LLGL1: variants seen among roughly 807,000 people sequenced by gnomAD.
LLGL1 encodes the protein LLGL scribble cell polarity complex component 1, also known as lethal(2) giant larvae protein homolog 1.
Under a neutral mutation model 110.6 loss-of-function variants are expected in LLGL1, and 58 were observed. The ratio of observed to expected loss-of-function variants is 0.52; its 90% CI spans 0.42 to 0.65. LLGL1 has a LOEUF of 0.65. Ranked by LOEUF, LLGL1 falls within the 30% of genes least tolerant of loss-of-function variation. LLGL1 has a pLI of 0.00. For synonymous variants in LLGL1, 674 were observed against 607.2 expected (o/e 1.11, Z -1.62); for missense variants, 1,229 against 1,462.1 (o/e 0.84, Z 2.60).
At position 18,234,862 on chromosome 17, in the gene LLGL1, G is replaced by C; in HGVS notation, c.929G>C (p.Gly310Ala). ...ESGGHFIIFSGGMPRASYGDR... is the reference protein window; with the variant it reads ...ESGGHFIIFSAGMPRASYGDR... ...AGGGGCCACTTTATCATCTTCAGCG[G>C]TGGCATGCCCCGTGCCAGCTATGGT... The change falls in exon 9 of 23, where the codon GGT (glycine) becomes GCT (alanine). Residue 310 changes from glycine (G) to alanine (A), a missense_variant. Transcript: ENST00000316843. 1 of 1,614,084 alleles carries C rather than the reference G, an allele frequency of 6.2e-7. No homozygotes were observed. Among genetic ancestry groups the C allele is most frequent in the Non-Finnish European group, 8.5e-7 (1 of 1,180,010 alleles).
intron 16 of LLGL1, among the ~76,000 whole-genome samples, chr17:18,239,615 C>G (rs2047778478): frequency 6.6e-6 from 1 of 152,114 alleles, no homozygotes; most frequent in Non-Finnish European, 1.5e-5. Context: ...CCTGTAGAAC[C>G]AATGTGAATT....
At chr17:18,232,909 C>T (rs1177511630) in intron 4 of LLGL1, 107 bp downstream of exon 4, 8 of 1,446,818 alleles carry the variant, frequency 5.5e-6, no homozygotes, top group African/African-American at 4.2e-5. Context: ...CGGTTCAGGG[C>T]GGGATGCCTT....
intron 22 of LLGL1, 109 bp from the exon 23 acceptor site, chr17:18,243,799 C>T (rs1314441944): frequency 6.6e-6 from 1 of 152,342 alleles, no homozygotes; most frequent in East Asian, 1.9e-4. Context: ...CATGCCTGCC[C>T]TGCAGAGGAG....
In LLGL1 at chr17:18,241,404, G is replaced by T. The variant is rs553012288; in HGVS notation, c.2503-47G>T. 56 of 1,576,034 alleles carry T rather than the reference G, an allele frequency of 3.6e-5. No individual in the cohort carries two copies. In the East Asian group the frequency reaches 1.2e-3, roughly 33 times the overall value. ...AGCCACGAGGGTGAGGGGCCCTGGG[G>T]ACGAGGACAGGGCCAGGCTTTGTGC... On this transcript the variant is annotated intron_variant, in intron 17 of 22. Transcript: ENST00000316843.
chr17:18,242,417 C>T (rs2047860943), intron 20 of LLGL1, 91 bp from the exon 21 acceptor site: 1 of 1,581,864 alleles, frequency 6.3e-7, no homozygotes, highest in Non-Finnish European at 8.6e-7. Flanking sequence ...CACCCCTCAC[C>T]ATGGGCTGCC....
At chr17:18,233,279 C>T (rs529798518) in intron 4 of LLGL1, among the ~76,000 whole-genome samples, 14 of 152,266 alleles carry the variant, frequency 9.2e-5, no homozygotes, top group Non-Finnish European at 1.6e-4. Context: ...TGGCAGCATG[C>T]CCCAGCTGAG....
intron 10 of LLGL1, 35 bp from the exon 11 acceptor site, chr17:18,235,434 TA>T: frequency 6.2e-7 from 1 of 1,612,996 alleles, no homozygotes; most frequent in Non-Finnish European, 8.5e-7. Flanking sequence ...ATGTTCGTCC[TA>T]ACCTTGTGCA....
chr17:18,228,188 G>A (rs892831635), intron 1 of LLGL1, among the ~76,000 whole-genome samples: 1 of 152,272 alleles, frequency 6.6e-6, no homozygotes, highest in African/African-American at 2.4e-5. Flanking sequence ...TAGTTGGGAT[G>A]GTAGCCAGTG....
At chr17:18,231,885 C>T (rs2047578828) in intron 2 of LLGL1, among the ~76,000 whole-genome samples, 1 of 152,186 alleles carries the variant, frequency 6.6e-6, no homozygotes, top group Non-Finnish European at 1.5e-5. Context: ...GTCCTCAACT[C>T]CTGACCTTGT....
At chr17:18,229,168 G>C (rs565878848) in intron 1 of LLGL1, among the ~76,000 whole-genome samples, 12 of 152,296 alleles carry the variant, frequency 7.9e-5, no homozygotes, top group Non-Finnish European at 1.3e-4. Flanking sequence ...GGCACAGCCA[G>C]GCCAAAGACA....
rs2142700923 is a variant in LLGL1 at position 18,240,461 on chromosome 17, C to T, written c.2207-117C>T. 3 of 1,250,454 alleles carry T rather than the reference C, an allele frequency of 2.4e-6. No homozygotes were observed. Among genetic ancestry groups the T allele is most frequent in the East Asian group, 2.4e-5 (1 of 42,300 alleles). The allele number at this position is 1,250,454 out of a possible 1,614,324, so 77.5% of individuals were successfully genotyped here. A position where few individuals can be genotyped will look rare whatever the true frequency, so the allele number is the denominator to read the frequency against. ...GAATCAGCCCTGAGTCCCAGGGTGTCATAGTTAGGAAGCAGGGCTACAAGA... is the reference window on the plus strand; with the variant it reads ...GAATCAGCCCTGAGTCCCAGGGTGTTATAGTTAGGAAGCAGGGCTACAAGA... On this transcript the variant is annotated intron_variant, in intron 16 of 22. Transcript: ENST00000316843. The surrounding 1 kb of genome is among the most constrained non-coding windows in gnomAD (Gnocchi z 5.3).
rs978312386 is a variant in LLGL1 at position 18,242,511 on chromosome 17, C to A, written c.2999C>A (p.Thr1000Asn). 6.2e-7 allele frequency: 1 copy of A among 1,613,902 alleles called. No individual in the cohort carries two copies. The highest frequency in any genetic ancestry group is 1.3e-5 in the African/African-American group (1 of 74,916). ...GCTGATGACTTGCTCCCTGTAGACACCCCGGAGCCACCCGAGGCTGCACTC... is the reference window on the plus strand; with the variant it reads ...GCTGATGACTTGCTCCCTGTAGACAACCCGGAGCCACCCGAGGCTGCACTC... ...PDPAHSMGPD[T>N]PEPPEAALSP... is the part of the protein sequence containing the mutation. Residue 1000 changes from threonine to asparagine, a missense_variant, in exon 21 of 23, where the codon ACC becomes AAC. Transcript: ENST00000316843.
chr17:18,230,965 G>A (rs919127387), intron 2 of LLGL1, among the ~76,000 whole-genome samples: 2 of 152,168 alleles, frequency 1.3e-5, no homozygotes, highest in African/African-American at 4.8e-5. Context: ...GTTGGTGAGT[G>A]TGGCAGTGCT....
intron 1 of LLGL1, among the ~76,000 whole-genome samples, chr17:18,226,209 G>C (rs2047438274): frequency 1.3e-5 from 2 of 151,928 alleles, no homozygotes; most frequent in African/African-American, 4.8e-5. Flanking sequence ...CATTTCTCTT[G>C]CTGCCTGTGC....
chr17:18,235,043 C>T, intron 9 of LLGL1, 46 bp from the exon 10 acceptor site: 1 of 1,613,822 alleles, frequency 6.2e-7, no homozygotes, highest in Non-Finnish European at 8.5e-7. Flanking sequence ...CTGGTGCCCT[C>T]TGCCACCTAT....
intron 1 of LLGL1, among the ~76,000 whole-genome samples, chr17:18,226,309 CTT>C (rs1280662400): frequency 6.6e-6 from 1 of 152,148 alleles, no homozygotes; most frequent in Non-Finnish European, 1.5e-5. Flanking sequence ...ACTTCTGTCT[CTT>C]TATCCTTTTT....
At chr17:18,238,286 CT>C in intron 15 of LLGL1, 72 bp downstream of exon 15, 1 of 1,596,692 alleles carries the variant, frequency 6.3e-7, no homozygotes, top group African/African-American at 1.3e-5. Flanking sequence ...CCTGGGACCC[CT>C]GGGGCCTGCT....
At chr17:18,235,434 T>C in intron 10 of LLGL1, 36 bp from the exon 11 acceptor site, 1 of 1,612,996 alleles carries the variant, frequency 6.2e-7, no homozygotes. Flanking sequence ...ATGTTCGTCC[T>C]AACCTTGTGC....
intron 22 of LLGL1, among the ~76,000 whole-genome samples, chr17:18,243,226 G>C (rs2047889813): frequency 1.3e-5 from 2 of 152,122 alleles, no homozygotes; most frequent in Non-Finnish European, 2.9e-5. Context: ...TCCTGCCTCA[G>C]CCTCCTGAGC....
Sources: gnomAD v4.1 joint callset for allele counts (sites outside exome capture counted in the v4.1 genomes callset) on GRCh38, gnomAD v4.1.1 for gene constraint, Gnocchi (gnomAD v3.1) non-coding constraint, MANE v1.5 for transcripts, NCBI Gene and HGNC (gene_info 2026-07-23, HGNC 2026-07-21) for gene names.